Variants in TATDN1 observed in about 807,000 individuals in gnomAD.
TATDN1 encodes TatD DNase domain containing 1.
TATDN1 carries 40 observed loss-of-function variants against 46.4 expected under a neutral mutation model. The ratio of observed to expected loss-of-function variants is 0.86; its 90% CI spans 0.67 to 1.12. TATDN1 has a LOEUF of 1.12. Ranked by LOEUF, TATDN1 falls within the 50% of genes most tolerant of loss-of-function variation. The pLI, the probability that TATDN1 is intolerant of heterozygous loss-of-function variation, is 0.00. For missense variants in TATDN1, 326 were observed against 348.4 expected (o/e 0.94, Z 0.51); for synonymous variants, 95 against 105.6 (o/e 0.90, Z 0.62).
chr8:124,492,058 TCC>T (rs1817051450), intron 11 of TATDN1, among the ~76,000 whole-genome samples: 1 of 150,872 alleles, frequency 6.6e-6, no homozygotes, highest in South Asian at 2.1e-4. Context: ...CACTGCAACC[TCC>T]GCCTCCCAGG....
chr8:124,523,057 C>A (rs1184465550), intron 1 of TATDN1, 55 bp from the exon 2 acceptor site: 2 of 1,498,060 alleles, frequency 1.3e-6, no homozygotes, highest in Non-Finnish European at 9.2e-7. Flanking sequence ...GAAACTTGTA[C>A]TTAAATAAAA....
At chr8:124,489,488 ACTGCAACCTCTGCCGC>A (rs1816753454) in intron 11 of TATDN1, 1 of 150,454 alleles carries the variant, frequency 6.6e-6, no homozygotes, top group Non-Finnish European at 1.5e-5. Context: ...ATCTCGGCTC[ACTGCAACCTCTGCCGC>A]CTGGGTTCAA....
chr8:124,520,231 G>A (rs1300885121), intron 3 of TATDN1, among the ~76,000 whole-genome samples: 4 of 152,062 alleles, frequency 2.6e-5, no homozygotes, highest in Non-Finnish European at 5.9e-5. Context: ...GTGGTCAGGA[G>A]TTTGAGACCA....
intron 4 of TATDN1, among the ~76,000 whole-genome samples, chr8:124,518,471 C>T (rs1819719585): frequency 1.3e-5 from 2 of 151,178 alleles, no homozygotes. Flanking sequence ...TTGCAGTGAG[C>T]CGAGATCGCA....
At position 124,508,411 on chromosome 8, in the gene TATDN1, G is replaced by A. The variant is rs1180257606; in HGVS notation, c.516+63C>T. 3 of 1,402,604 alleles carry A rather than the reference G, an allele frequency of 2.1e-6. No individual in the cohort carries two copies. The African/African-American group carries it at 4.3e-5, about 20-fold the overall frequency. 86.9% of individuals were successfully genotyped at this position (1,402,604 alleles called of 1,614,324 possible). On this transcript the variant is annotated intron_variant, in intron 8 of 11. Coordinates refer to ENST00000276692, the MANE Select transcript of TATDN1 (RefSeq NM_032026.4). ...ATTTTGGAGCATTTTGTACTTGGGAGTATTTTGGATTTTTGGATTAGAGAT... is the reference window on the plus strand; with the variant it reads ...ATTTTGGAGCATTTTGTACTTGGGAATATTTTGGATTTTTGGATTAGAGAT...
At chr8:124,518,680 C>T in intron 4 of TATDN1, 138 bp downstream of exon 4, 1 of 648,800 alleles carries the variant, frequency 1.5e-6, no homozygotes, top group Non-Finnish European at 2.8e-6. Context: ...TCATCTTAAT[C>T]ATGTCCCATT....
At chr8:124,537,947 G>T (rs951180555) in intron 1 of TATDN1, among the ~76,000 whole-genome samples, 5 of 149,692 alleles carry the variant, frequency 3.3e-5, no homozygotes, top group Non-Finnish European at 5.9e-5. Context: ...CAACGTCTTT[G>T]AAAAAAAAAA....
At chr8:124,518,948 C>G in intron 3 of TATDN1, 67 bp from the exon 4 acceptor site, 1 of 1,004,796 alleles carries the variant, frequency 1.0e-6, no homozygotes, top group Non-Finnish European at 1.6e-6. Flanking sequence ...CCTAAACATG[C>G]CTTCCTACCA....
chr8:124,508,762 A>C (rs1034458936), intron 6 of TATDN1, 74 bp from the exon 7 acceptor site: 9 of 948,004 alleles, frequency 9.5e-6, no homozygotes, highest in Non-Finnish European at 1.4e-5. Context: ...ATGTCAAAAG[A>C]GCTTTTAAAT....
chr8:124,500,108 G>A (rs978206068), intron 9 of TATDN1, among the ~76,000 whole-genome samples: 2 of 152,088 alleles, frequency 1.3e-5, no homozygotes, highest in Admixed American at 1.3e-4. Context: ...CTCCCAAAGT[G>A]CTGGGATTAC....
rs1231444335 is a variant in TATDN1 at position 124,495,460 on chromosome 8, A to C, written c.664+12T>G. 6.3e-7 allele frequency: 1 copy of C among 1,595,718 alleles called. No homozygotes were observed. Among genetic ancestry groups the C allele is most frequent in the African/African-American group, 1.3e-5 (1 of 74,082 alleles). ...GGTTTAATATGAAACAAAGTTCTGA[A>C]AACAAACTTACCTGTCTCAATCATT... On this transcript the variant is annotated intron_variant, in intron 10 of 11. Coordinates refer to ENST00000276692, the MANE Select transcript of TATDN1 (RefSeq NM_032026.4).
chr8:124,492,664 G>A (rs770859825), intron 11 of TATDN1, among the ~76,000 whole-genome samples: 46 of 144,334 alleles, frequency 3.2e-4, no homozygotes, highest in Non-Finnish European at 5.5e-4. Flanking sequence ...TGAGGCAGGA[G>A]AATTGCTTGA....
At chr8:124,525,462 T>G (rs571388116) in intron 1 of TATDN1, among the ~76,000 whole-genome samples, 1 of 152,138 alleles carries the variant, frequency 6.6e-6, no homozygotes, top group Non-Finnish European at 1.5e-5. Flanking sequence ...TAGTAAATTC[T>G]TGTACCCTCG....
At chr8:124,505,315 C>T (rs7820221) in intron 8 of TATDN1, among the ~76,000 whole-genome samples, 4,574 of 151,516 alleles carry the variant, frequency 0.03, 237 homozygotes, top group African/African-American at 0.1. Context: ...ACCTGGAAGG[C>T]GGAGGTTGCG....
At chr8:124,534,159 AAAAAAAAAAAAAAAAAAAAAG>A in intron 1 of TATDN1, among the ~76,000 whole-genome samples, 1 of 118,680 alleles carries the variant, frequency 8.4e-6, no homozygotes, top group African/African-American at 2.8e-5. Flanking sequence ...AAAAAAAAAA[AAAAAAAAAAAAAAAAAAAAAG>A]AAATGCGCTA....
intron 6 of TATDN1, among the ~76,000 whole-genome samples, chr8:124,510,007 G>A (rs1818866515): frequency 1.3e-5 from 2 of 149,888 alleles, no homozygotes; most frequent in Non-Finnish European, 3.0e-5. Context: ...CTCCAGCCTG[G>A]GTGAGAGAGC....
intron 4 of TATDN1, among the ~76,000 whole-genome samples, chr8:124,517,746 T>G (rs941135957): frequency 6.6e-6 from 1 of 152,164 alleles, no homozygotes. Flanking sequence ...AGCAAGGATA[T>G]GAGAGATTAT....
chr8:124,519,897 A>AG (rs1434116463), intron 3 of TATDN1, among the ~76,000 whole-genome samples: 11 of 152,204 alleles, frequency 7.2e-5, no homozygotes, highest in African/African-American at 2.7e-4. Flanking sequence ...GTGCTGCGTA[A>AG]GGGGCGCCTT....
intron 4 of TATDN1, among the ~76,000 whole-genome samples, chr8:124,516,572 G>T (rs1008348828): frequency 6.6e-6 from 1 of 152,022 alleles, no homozygotes; most frequent in Admixed American, 6.6e-5. Context: ...GCCTCCCAAA[G>T]TGCTGGGATT....
Sources: gnomAD v4.1 joint callset for allele counts (sites outside exome capture counted in the v4.1 genomes callset) on GRCh38, gnomAD v4.1.1 for gene constraint, MANE v1.5 for transcripts, NCBI Gene and HGNC (gene_info 2026-07-23, HGNC 2026-07-21) for gene names.